Variants in TPSG1 observed in about 807,000 individuals in gnomAD.
TPSG1 encodes the protein tryptase gamma.
TPSG1 carries 43 observed loss-of-function variants against 23.8 expected under a neutral mutation model. That is an observed-to-expected ratio of 1.81 (90% CI 1.42 to 2.33). TPSG1 has a LOEUF of 2.33. TPSG1 is among the 30% of genes most tolerant of loss of function. The probability of loss-of-function intolerance (pLI) is 0.00; values close to 1 mark genes in which losing one functional copy is unlikely to be tolerated. For missense variants in TPSG1, 623 were observed against 438.6 expected (o/e 1.42, Z -3.75); for synonymous variants, 302 against 201.3 (o/e 1.50, Z -4.23).
At chr16:1,224,491 T>C (rs2030040323) in intron 2 of TPSG1, 111 bp downstream of exon 2, 1 of 1,422,602 alleles carries the variant, frequency 7.0e-7, no homozygotes, top group East Asian at 2.3e-5. Flanking sequence ...CGACAAACTA[T>C]GACCTCCCCG....
Position 1,223,436 on chromosome 16 carries a change from G to T in TPSG1, c.232C>A (p.His78Asn), listed in dbSNP as rs775746779. 2 of 1,586,666 alleles carry T rather than the reference G, an allele frequency of 1.3e-6. No homozygotes were observed. Among genetic ancestry groups the T allele is most frequent in the East Asian group, 2.3e-5 (1 of 43,808 alleles). Residue 78 changes from histidine (H) to asparagine (N), a missense_variant, in exon 3 of 6, where the codon CAC becomes AAC. By Grantham distance (68) the His-to-Asn change is moderately conservative (BLOSUM62 1). Coordinates refer to ENST00000234798, the MANE Select transcript of TPSG1 (RefSeq NM_012467.4). Reference sequence around the variant, plus strand: ...CCGGACACTCACCCGGAGAAGCAGTGGGCAGCTGTGAGCACCCACTGGGGG... The same window carrying T: ...CCGGACACTCACCCGGAGAAGCAGTTGGCAGCTGTGAGCACCCACTGGGGG... Reference protein sequence around the residue: ...LSPQWVLTAAHCFSGSLNSSD... With the variant: ...LSPQWVLTAANCFSGSLNSSD...
rs2030084895 is a variant in TPSG1 at position 1,225,202 on chromosome 16, C to G, written c.46+5G>C. 6 of 1,574,596 alleles carry G rather than the reference C, an allele frequency of 3.8e-6. No individual in the cohort carries two copies. The highest frequency in any genetic ancestry group is 5.2e-6 in the Non-Finnish European group (6 of 1,160,358). On this transcript the variant is annotated splice_donor_5th_base_variant and intron_variant, in intron 1 of 5. Coordinates refer to ENST00000234798, the MANE Select transcript of TPSG1 (RefSeq NM_012467.4). ...CCATCCCCACACCCAGGCCAGGTCA[C>G]CCACCGGGCACAGCCAGGAGCAGCA...
At position 1,221,710 on chromosome 16, in the gene TPSG1, C is replaced by T. The variant is rs1421584821; in HGVS notation, c.*78G>A. The T allele has an allele frequency of 8.1e-6, 11 of 1,354,072 alleles. No homozygotes were observed. The East Asian group carries it at 2.7e-4, about 33-fold the overall frequency. 83.9% of individuals were successfully genotyped at this position (1,354,072 alleles called of 1,614,324 possible). ...TTGCAATAATCTGATGCAGAAGACTCAGCTTCTCAAGGGAGAGGGAGGGGG... is the reference window on the plus strand; with the variant it reads ...TTGCAATAATCTGATGCAGAAGACTTAGCTTCTCAAGGGAGAGGGAGGGGG... On this transcript the variant is annotated 3_prime_UTR_variant, in exon 6 of 6. Transcript: ENST00000234798.
At chr16:1,222,162 G>T (rs202241525) in intron 5 of TPSG1, 34 bp downstream of exon 5, 1 of 1,611,380 alleles carries the variant, frequency 6.2e-7, no homozygotes, top group East Asian at 2.2e-5. Flanking sequence ...GGCTTCAGCC[G>T]CCCCCATCCT....
rs199779684 is a variant in TPSG1 at position 1,222,315 on chromosome 16, G to A, written c.538C>T (p.Arg180Trp). 1.2e-5 allele frequency: 19 copies of A among 1,608,140 alleles called. No individual in the cohort carries two copies. The highest frequency in any genetic ancestry group is 4.0e-5 in the African/African-American group (3 of 74,726). ...TCCACCACGGAGACTTTCACCTCCCGCAGGCTGTACGGGGGTGGCAGAGGC... is the reference window on the plus strand; with the variant it reads ...TCCACCACGGAGACTTTCACCTCCCACAGGCTGTACGGGGGTGGCAGAGGC... ...GEPLPPPYSL[R>W]EVKVSVVDTE... Residue 180 changes from arginine to tryptophan, a missense_variant, in exon 5 of 6, where the codon CGG becomes TGG. Transcript: ENST00000234798.
rs755575484 is a variant in TPSG1 at position 1,222,836 on chromosome 16, C to G, written c.327G>C (p.Gln109His). ...TLSPHFSTVR[Q>H]IILHSSPSGQ... is the part of the protein sequence containing the mutation. ...CTGAGGGGCTGGAGTGCAGGATGAT[C>G]TGCCTCACGGTGGAGAAGTGGGGAG... is the stretch of plus-strand genomic sequence containing the variant. The change falls in exon 4 of 6, where the codon CAG becomes CAC. Residue 109 changes from glutamine to histidine, a missense_variant. Physicochemically the swap from Gln to His is conservative, Grantham distance 24 (BLOSUM62 0). Transcript: ENST00000234798. 29 of 1,611,546 alleles carry G rather than the reference C, an allele frequency of 1.8e-5. No individual in the cohort carries two copies. In the South Asian group the frequency reaches 3.1e-4, roughly 17 times the overall value.
chr16:1,222,271 C>T lies in TPSG1; in HGVS notation c.582G>A (p.Arg194=). The change falls in exon 5 of 6, where the codon CGG becomes CGA. Residue 194 remains arginine, a synonymous_variant. Transcript: ENST00000234798. The stretch of plus-strand genomic sequence containing the variant: ...TGCTGCCCCCGGGGCCGGGATAGTC[C>T]CGGCGGCAGGTCTCTGTGTCCACCA... ...VSVVDTETCR[R]DYPGPGGSIL... The T allele has an allele frequency of 6.2e-7, 1 of 1,611,960 alleles. No homozygotes were observed. Among genetic ancestry groups the T allele is most frequent in the Non-Finnish European group, 8.5e-7 (1 of 1,179,690 alleles).
chr16:1,225,232 G>A lies in TPSG1; in HGVS notation c.21C>T (p.Gly7=), dbSNP rs1190964617. The A allele has an allele frequency of 1.3e-6, 2 of 1,578,548 alleles. No individual in the cohort carries two copies. The highest frequency in any genetic ancestry group is 3.6e-5 in the Admixed American group (2 of 54,812). Residue 7 remains glycine (G), a synonymous_variant, in exon 1 of 6, where the codon GGC becomes GGT. Transcript: ENST00000234798. MALGAC[G]LLLLLAVPGV... ...CGGGCACAGCCAGGAGCAGCAGGAGGCCACAGGCCCCAAGGGCCATGGTGT... is the reference window on the plus strand; with the variant it reads ...CGGGCACAGCCAGGAGCAGCAGGAGACCACAGGCCCCAAGGGCCATGGTGT...
Position 1,222,651 on chromosome 16 carries a change from C to G in TPSG1, c.511+1G>C. On this transcript the variant is annotated splice_donor_variant, in intron 4 of 5. Coordinates refer to ENST00000234798, the MANE Select transcript of TPSG1 (RefSeq NM_012467.4). LOFTEE classifies it high-confidence loss of function. ...CCAGCATCCCCACGGGGGCTCCTCA[C>G]CTCCCTCCCGCGTATAGCCCCAGCC... is the stretch of plus-strand genomic sequence containing the variant. 2 of 1,544,544 alleles carry G rather than the reference C, an allele frequency of 1.3e-6. No individual in the cohort carries two copies. The highest frequency in any genetic ancestry group is 1.8e-6 in the Non-Finnish European group (2 of 1,140,300).
At chr16:1,224,575 C>T (rs1344312672) in intron 2 of TPSG1, 27 bp downstream of exon 2, 3 of 1,613,448 alleles carry the variant, frequency 1.9e-6, no homozygotes, top group Admixed American at 1.7e-5. Flanking sequence ...CACCCTCCCC[C>T]ACACCCCACA....
rs11865634 is a variant in TPSG1, at chr16:1,222,534, C to G, written c.511+118G>C. On this transcript the variant is annotated intron_variant, in intron 4 of 5. Coordinates refer to ENST00000234798, the MANE Select transcript of TPSG1 (RefSeq NM_012467.4). ...GAAAAGGGACAGCCGATAGGGGCGG[C>G]CTTGGCTGGGTGTGGAAGCCACCAG... 4.1e-3 allele frequency: 5,832 copies of G among 1,418,718 alleles called. 208 individuals are homozygous for G. The African/African-American group carries it at 0.074, about 18-fold the overall frequency. 87.9% of individuals were successfully genotyped at this position (1,418,718 alleles called of 1,614,324 possible). A position where few individuals can be genotyped will look rare whatever the true frequency, so the allele number is the denominator to read the frequency against.
intron 4 of TPSG1, 51 bp downstream of exon 4, chr16:1,222,601 C>T (rs374831228): frequency 6.5e-5 from 98 of 1,515,984 alleles, no homozygotes; most frequent in Non-Finnish European, 8.5e-5. Context: ...CAGCTCTCTT[C>T]CTGCCGCCCT....
At position 1,222,076 on chromosome 16, in the gene TPSG1, C is replaced by T. The variant is rs1331149285; in HGVS notation, c.678G>A (p.Leu226=). Residue 226 remains leucine, a synonymous_variant, in exon 6 of 6, where the codon CTG becomes CTA. Transcript: ENST00000234798. ...CCCAGGCACCGTTCACCTGGCAGAC[C>T]AGAGGCCCCCCGGAGTCGTCCTGAG... ...DACQDDSGGP[L]VCQVNGAWVQ... 1 of 1,612,700 alleles carries T rather than the reference C, an allele frequency of 6.2e-7. No individual in the cohort carries two copies.
Position 1,222,086 on chromosome 16 carries a change from C to T in TPSG1, c.668G>A (p.Gly223Glu). 6.2e-7 allele frequency: 1 copy of T among 1,612,798 alleles called. No individual in the cohort carries two copies. The change falls in exon 6 of 6, where the codon GGG (glycine) becomes GAG (glutamate). Residue 223 changes from glycine to glutamate, a missense_variant. Gly to Glu is a moderately conservative substitution (Grantham distance 98). Coordinates refer to ENST00000234798, the MANE Select transcript of TPSG1 (RefSeq NM_012467.4). The stretch of plus-strand genomic sequence containing the variant: ...GTTCACCTGGCAGACCAGAGGCCCC[C>T]CGGAGTCGTCCTGAGGACAGAGAAG... ...GPGDACQDDS[G>E]GPLVCQVNGA...
chr16:1,224,266 T>C (rs1245857829), intron 2 of TPSG1: 4 of 298,514 alleles, frequency 1.3e-5, no homozygotes, highest in African/African-American at 8.9e-5. Flanking sequence ...GGGTGTGGGG[T>C]GGGGCACCGG....
At chr16:1,224,791 C>T (rs1046697095) in intron 1 of TPSG1, 163 bp from the exon 2 acceptor site, 204 of 836,514 alleles carry the variant, frequency 2.4e-4, no homozygotes, top group Non-Finnish European at 3.5e-4. Flanking sequence ...GTCTCACTGG[C>T]CCAGGGCTGG....
At chr16:1,224,661 G>A (rs1270950764) in intron 1 of TPSG1, 33 bp from the exon 2 acceptor site, 2 of 1,613,404 alleles carry the variant, frequency 1.2e-6, no homozygotes, top group East Asian at 2.2e-5. Flanking sequence ...AGGATGGAGG[G>A]GGCTGCCAAG....
intron 2 of TPSG1, chr16:1,224,053 A>T (rs2030014750): frequency 5.0e-6 from 1 of 201,844 alleles, no homozygotes; most frequent in Non-Finnish European, 9.8e-6. Flanking sequence ...TCTGAATTGG[A>T]CGCTTGATAA....
chr16:1,223,507 C>T lies in TPSG1; in HGVS notation c.161G>A (p.Ser54Asn), dbSNP rs559228599. Reference sequence around the variant, plus strand: ...CACGTGCACCCTCCGCAGGCGGAGGCTGGCCTGCCATGGCCATGCGCCGGC... The same window carrying T: ...CACGTGCACCCTCCGCAGGCGGAGGTTGGCCTGCCATGGCCATGCGCCGGC... ...APAGAWPWQASLRLRRVHVCG... is the reference protein window; with the variant it reads ...APAGAWPWQANLRLRRVHVCG... Residue 54 changes from serine (S) to asparagine (N), a missense_variant, in exon 3 of 6, where the codon AGC becomes AAC. Ser to Asn is a conservative substitution (Grantham distance 46). Coordinates refer to ENST00000234798, the MANE Select transcript of TPSG1 (RefSeq NM_012467.4). The T allele has an allele frequency of 2.6e-6, 4 of 1,566,892 alleles. No homozygotes were observed. The African/African-American group carries it at 4.0e-5, about 16-fold the overall frequency.
Sources: allele counts gnomAD v4.1 joint callset, GRCh38; gene constraint gnomAD v4.1.1; transcripts MANE v1.5; gene names NCBI Gene and HGNC (gene_info 2026-07-23, HGNC 2026-07-21).